The following EXOC4 variants were observed in gnomAD, a reference collection of about 807,000 sequenced individuals.
EXOC4 encodes the protein exocyst complex component 4.
In EXOC4, 71 loss-of-function variants were observed where a neutral mutation model predicts 107.2. That is an observed-to-expected ratio of 0.66 (90% CI 0.55 to 0.81). The LOEUF (loss-of-function observed/expected upper bound fraction) is 0.81. EXOC4 is among the 30% of genes least tolerant of loss of function. The probability of loss-of-function intolerance (pLI) is 0.00; values close to 1 mark genes in which losing one functional copy is unlikely to be tolerated. For synonymous variants in EXOC4, 456 were observed against 441.2 expected (o/e 1.03, Z -0.42); for missense variants, 1,108 against 1,189.6 (o/e 0.93, Z 1.01).
chr7:133,464,338 G>C (rs1310761810), intron 7 of EXOC4, among the ~76,000 whole-genome samples: 1 of 152,156 alleles, frequency 6.6e-6, no homozygotes, highest in Admixed American at 6.5e-5. Flanking sequence ...ACTTGACCAA[G>C]GTCACATAAC....
At chr7:133,390,846 G>A (rs1289305997) in intron 7 of EXOC4, among the ~76,000 whole-genome samples, 1 of 152,186 alleles carries the variant, frequency 6.6e-6, no homozygotes. Context: ...TTACTCATCT[G>A]TGTTTTATGA....
At chr7:133,527,063 C>G in intron 9 of EXOC4, among the ~76,000 whole-genome samples, 1 of 152,044 alleles carries the variant, frequency 6.6e-6, no homozygotes, top group East Asian at 1.9e-4. Context: ...ATAATACCAC[C>G]CCTGTTAACT....
intron 9 of EXOC4, among the ~76,000 whole-genome samples, chr7:133,515,216 T>C (rs1178253924): frequency 1.3e-5 from 2 of 152,082 alleles, no homozygotes; most frequent in Non-Finnish European, 2.9e-5. Context: ...TAGTTAATGC[T>C]GATGCACAGT....
intron 7 of EXOC4, among the ~76,000 whole-genome samples, chr7:133,433,902 T>C (rs1335369550): frequency 1.3e-5 from 2 of 152,222 alleles, no homozygotes; most frequent in Non-Finnish European, 2.9e-5. Flanking sequence ...TAGGAAAATA[T>C]AATGGCCAGT....
At chr7:134,041,928 A>G (rs974108633) in intron 17 of EXOC4, among the ~76,000 whole-genome samples, 6 of 152,136 alleles carry the variant, frequency 3.9e-5, no homozygotes, top group African/African-American at 1.4e-4. Flanking sequence ...CCTCATTTCC[A>G]TCTTCTCCCA....
intron 7 of EXOC4, among the ~76,000 whole-genome samples, chr7:133,440,055 T>A (rs1265937812): frequency 6.6e-6 from 1 of 152,216 alleles, no homozygotes; most frequent in Non-Finnish European, 1.5e-5. Context: ...AGTGATTACA[T>A]TGAATAATCA....
downstream of EXOC4, among the ~76,000 whole-genome samples, chr7:134,068,930 T>G (rs1024610218): frequency 2.0e-5 from 3 of 152,212 alleles, no homozygotes; most frequent in Non-Finnish European, 2.9e-5. Context: ...CAGGTTGATA[T>G]GGGAGTCGGG....
At chr7:133,737,021 CACTA>C (rs1795458376) in intron 10 of EXOC4, among the ~76,000 whole-genome samples, 1 of 152,254 alleles carries the variant, frequency 6.6e-6, no homozygotes, top group Non-Finnish European at 1.5e-5. Flanking sequence ...TTCTTTTTGT[CACTA>C]ACAGTTATTA....
At chr7:133,880,747 G>A (rs1427481164) in intron 11 of EXOC4, among the ~76,000 whole-genome samples, 2 of 152,090 alleles carry the variant, frequency 1.3e-5, no homozygotes, top group African/African-American at 4.8e-5. Context: ...AGAGACAGCT[G>A]TGCTTATAAG....
intron 5 of EXOC4, among the ~76,000 whole-genome samples, chr7:133,353,209 GTTTATC>G (rs1183711490): frequency 2.6e-5 from 4 of 152,096 alleles, no homozygotes; most frequent in Non-Finnish European, 5.9e-5. Context: ...TTGCCTAGAC[GTTTATC>G]TTTATTGAGA....
chr7:134,099,734 T>C, the EXOC4 span, among the ~76,000 whole-genome samples: 1 of 151,282 alleles, frequency 6.6e-6, no homozygotes, highest in Non-Finnish European at 1.5e-5. Context: ...GTTTCACCGT[T>C]TTGCTCTTGT....
intron 10 of EXOC4, among the ~76,000 whole-genome samples, chr7:133,633,854 A>G (rs1432638107): frequency 6.6e-6 from 1 of 151,824 alleles, no homozygotes; most frequent in African/African-American, 2.4e-5. Context: ...GTGGAGGGAG[A>G]ATCCCTTTCA....
At chr7:133,348,197 T>G (rs1241471215) in intron 5 of EXOC4, among the ~76,000 whole-genome samples, 1 of 152,238 alleles carries the variant, frequency 6.6e-6, no homozygotes, top group Non-Finnish European at 1.5e-5. Flanking sequence ...TATATTATCC[T>G]TTTAAATTGC....
chr7:133,410,374 A>G (rs1209219084), intron 7 of EXOC4, among the ~76,000 whole-genome samples: 1 of 152,204 alleles, frequency 6.6e-6, no homozygotes, highest in African/African-American at 2.4e-5. Flanking sequence ...TGAGGAATGT[A>G]TATCTGTGTG....
chr7:133,375,175 T>G, intron 7 of EXOC4, 173 bp downstream of exon 7: 2 of 602,158 alleles, frequency 3.3e-6, no homozygotes, highest in Non-Finnish European at 5.6e-6. Context: ...TTCTACTATC[T>G]TCAAAAAACT....
rs186245094 is a variant in EXOC4 at position 133,862,408 on chromosome 7, A to G, written c.1735-33191A>G. The stretch of plus-strand genomic sequence containing the variant: ...TGAGGCAGGAGAATCGCTTGAACCC[A>G]GGAGGCAGAGGTTGCAGTGAGCTGA... On this transcript the variant is annotated intron_variant, in intron 11 of 17. Transcript: ENST00000253861. 1.5e-3 allele frequency among the ~76,000 whole-genome samples: 225 copies of G among 152,158 alleles called. 1 individual carries two copies. Among genetic ancestry groups the G allele is most frequent in the Non-Finnish European group, 2.7e-3 (185 of 68,008 alleles).
In EXOC4 at chr7:133,580,900, A is replaced by G. The variant is rs114338918; in HGVS notation, c.1418-49145A>G. ...CCTAAGTCATTGTGCCTGGCAAGTC[A>G]TAGGTGTTCAATATAGGTATGATAC... On this transcript the variant is annotated intron_variant, in intron 9 of 17. Coordinates refer to ENST00000253861, the MANE Select transcript of EXOC4 (RefSeq NM_021807.4). Among the ~76,000 whole-genome samples the G allele has an allele frequency of 1.2e-3, 189 of 152,342 alleles. 1 individual carries two copies. The highest frequency in any genetic ancestry group is 4.5e-3 in the African/African-American group (186 of 41,578).
At chr7:133,810,861 C>T (rs559083352) in intron 10 of EXOC4, among the ~76,000 whole-genome samples, 1 of 152,160 alleles carries the variant, frequency 6.6e-6, no homozygotes, top group South Asian at 2.1e-4. Flanking sequence ...TCTCGATCTC[C>T]TGACCTCGTG....
intron 14 of EXOC4, among the ~76,000 whole-genome samples, chr7:133,949,944 A>T (rs1563068440): frequency 1.3e-5 from 2 of 152,136 alleles, no homozygotes; most frequent in Non-Finnish European, 2.9e-5. Context: ...ATTAACTAGC[A>T]TTGGGATGTG....
Sources: gnomAD v4.1 joint callset for allele counts (sites outside exome capture counted in the v4.1 genomes callset) on GRCh38, gnomAD v4.1.1 for gene constraint, MANE v1.5 for transcripts, NCBI Gene and HGNC (gene_info 2026-07-23, HGNC 2026-07-21) for gene names.